The following CPED1 variants were observed in gnomAD, a reference collection of about 807,000 sequenced individuals.
CPED1 encodes the protein cadherin like and PC-esterase domain containing 1.
Under a neutral mutation model 128.2 loss-of-function variants are expected in CPED1, and 114 were observed. The observed-to-expected ratio is 0.89, with a 90% confidence interval of 0.76 to 1.04. The LOEUF is 1.04. Ranked by LOEUF, CPED1 falls within the 50% of genes least tolerant of loss-of-function variation. CPED1 has a pLI of 0.00. For missense variants in CPED1, 1,211 were observed against 1,207.1 expected (o/e 1.00, Z -0.05); for synonymous variants, 462 against 426.7 (o/e 1.08, Z -1.02).
intron 16 of CPED1, among the ~76,000 whole-genome samples, chr7:121,154,459 T>C (rs906689905): frequency 6.6e-6 from 1 of 152,088 alleles, no homozygotes; most frequent in Non-Finnish European, 1.5e-5. Flanking sequence ...TTTTTTGAGG[T>C]ATATTCATTC....
Position 121,099,923 on chromosome 7 carries a change from TAGGAA to T in CPED1, c.750-2_752del. On this transcript the variant is annotated splice_acceptor_variant and coding_sequence_variant, in exon 7 of 23. Transcript: ENST00000310396. LOFTEE classifies it high-confidence loss of function. ...CGCTAACTATGTTTTTTTTTTTTTTTAGGAATGAAACGACAGTCCTTGCTCCACAT... is the reference window on the plus strand; with the variant it reads ...CGCTAACTATGTTTTTTTTTTTTTTTTGAAACGACAGTCCTTGCTCCACAT... 3 of 1,573,172 alleles carry T rather than the reference TAGGAA, an allele frequency of 1.9e-6. No individual in the cohort carries two copies. Among genetic ancestry groups the T allele is most frequent in the African/African-American group, 2.9e-5 (2 of 68,074 alleles).
At chr7:121,189,201 A>G (rs978406160) in intron 16 of CPED1, among the ~76,000 whole-genome samples, 23 of 152,140 alleles carry the variant, frequency 1.5e-4, no homozygotes, top group Non-Finnish European at 2.8e-4. Flanking sequence ...TGAAGCCAGT[A>G]TGAAAAAGTC....
At chr7:121,110,927 T>C (rs2116262649) in intron 7 of CPED1, among the ~76,000 whole-genome samples, 1 of 152,224 alleles carries the variant, frequency 6.6e-6, no homozygotes, top group South Asian at 2.1e-4. Context: ...AAAGGAGAAA[T>C]GTGGATACGT....
At chr7:121,262,518 A>G (rs1792041481) in intron 18 of CPED1, among the ~76,000 whole-genome samples, 1 of 152,072 alleles carries the variant, frequency 6.6e-6, no homozygotes, top group Non-Finnish European at 1.5e-5. Context: ...AAACTCTTCT[A>G]AACATGTCTT....
chr7:121,131,790 T>A (rs1172518967), intron 12 of CPED1, among the ~76,000 whole-genome samples: 1 of 152,054 alleles, frequency 6.6e-6, no homozygotes, highest in Non-Finnish European at 1.5e-5. Context: ...TTTTCTTATC[T>A]GCAAAATATG....
At chr7:121,275,528 C>G (rs1383850165) in intron 22 of CPED1, among the ~76,000 whole-genome samples, 1 of 152,112 alleles carries the variant, frequency 6.6e-6, no homozygotes, top group Non-Finnish European at 1.5e-5. Flanking sequence ...TCAACACAAA[C>G]CTGGCTGCAG....
intron 5 of CPED1, among the ~76,000 whole-genome samples, chr7:121,080,553 C>A (rs952241818): frequency 7.9e-5 from 12 of 152,110 alleles, no homozygotes; most frequent in Non-Finnish European, 1.5e-5. Flanking sequence ...GTTAAGGGTA[C>A]AGAGTACAAT....
intron 2 of CPED1, 103 bp downstream of exon 2, chr7:120,989,973 G>A (rs1796283800): frequency 7.9e-6 from 11 of 1,386,026 alleles, no homozygotes; most frequent in African/African-American, 1.4e-5. Flanking sequence ...AGGTCTGAAA[G>A]GGATCCAGAG....
intron 7 of CPED1, among the ~76,000 whole-genome samples, chr7:121,110,670 T>A (rs1469965253): frequency 6.6e-6 from 1 of 152,130 alleles, no homozygotes; most frequent in East Asian, 1.9e-4. Context: ...AAGAGCCCAA[T>A]CACACAGGAG....
At chr7:121,252,702 C>T (rs974587849) in intron 18 of CPED1, among the ~76,000 whole-genome samples, 1 of 152,130 alleles carries the variant, frequency 6.6e-6, no homozygotes. Flanking sequence ...AGCCAAAAAA[C>T]ACACGAAAAA....
intron 4 of CPED1, among the ~76,000 whole-genome samples, chr7:121,057,415 T>C (rs868194283): frequency 2.0e-5 from 3 of 152,314 alleles, no homozygotes; most frequent in Middle Eastern, 3.4e-3. Context: ...CATAGTACCC[T>C]TTTTAACCCT....
intron 16 of CPED1, among the ~76,000 whole-genome samples, chr7:121,145,319 A>C (rs1219280765): frequency 6.6e-6 from 1 of 152,084 alleles, no homozygotes. Context: ...CGTCAGGAAA[A>C]TGTTACTGTA....
At chr7:121,105,438 G>A (rs1226196888) in intron 7 of CPED1, among the ~76,000 whole-genome samples, 5 of 152,090 alleles carry the variant, frequency 3.3e-5, no homozygotes, top group Admixed American at 6.6e-5. Flanking sequence ...TGCAGGCTAC[G>A]AAGCAGACCT....
chr7:121,224,637 G>C (rs1180784189), intron 16 of CPED1, among the ~76,000 whole-genome samples: 1 of 152,006 alleles, frequency 6.6e-6, no homozygotes, highest in Non-Finnish European at 1.5e-5. Context: ...ATGAATCTGG[G>C]TACTCCTGTA....
chr7:120,993,914 G>T, intron 2 of CPED1: 1 of 283,316 alleles, frequency 3.5e-6, no homozygotes, highest in Non-Finnish European at 7.3e-6. Flanking sequence ...GAGTTTTTTG[G>T]CTTCTCAGGG....
intron 16 of CPED1, among the ~76,000 whole-genome samples, chr7:121,216,417 A>G (rs2116609244): frequency 6.6e-6 from 1 of 152,146 alleles, no homozygotes; most frequent in East Asian, 1.9e-4. Context: ...TTGCAGGGCC[A>G]CACATATCAG....
chr7:121,192,836 A>G lies in CPED1; in HGVS notation c.2056-43878A>G, dbSNP rs145892459. Among the ~76,000 whole-genome samples, 91 of 152,268 alleles carry G rather than the reference A, an allele frequency of 6.0e-4. 1 individual carries two copies. The highest frequency in any genetic ancestry group is 2.1e-3 in the African/African-American group (87 of 41,574). ...GAGAAGACTCTTATATCAAAATTTT[A>G]AGACAGACAAAATAGATATGATTTT... On this transcript the variant is annotated intron_variant, in intron 16 of 22. Coordinates refer to ENST00000310396, the MANE Select transcript of CPED1 (RefSeq NM_024913.5).
At chr7:121,161,049 CACCTCCA>C (rs1453151288) in intron 16 of CPED1, among the ~76,000 whole-genome samples, 1 of 152,134 alleles carries the variant, frequency 6.6e-6, no homozygotes, top group African/African-American at 2.4e-5. Context: ...CCCCATTCAC[CACCTCCA>C]ACCCTTCCGT....
intron 5 of CPED1, among the ~76,000 whole-genome samples, chr7:121,090,698 T>C (rs1310743390): frequency 6.6e-6 from 1 of 152,148 alleles, no homozygotes; most frequent in African/African-American, 2.4e-5. Context: ...GCTGTAATCC[T>C]AGCACTTTGG....
Sources: gnomAD v4.1 joint callset for allele counts (sites outside exome capture counted in the v4.1 genomes callset) on GRCh38, gnomAD v4.1.1 for gene constraint, MANE v1.5 for transcripts, NCBI Gene and HGNC (gene_info 2026-07-23, HGNC 2026-07-21) for gene names.